KHDRBS2: variants seen among roughly 807,000 people sequenced by gnomAD.
The protein encoded by KHDRBS2 is KH RNA binding domain containing, signal transduction associated 2.
Under a neutral mutation model 44.3 loss-of-function variants are expected in KHDRBS2, and 26 were observed. The observed-to-expected ratio is 0.59, with a 90% CI of 0.43 to 0.81. The LOEUF (loss-of-function observed/expected upper bound fraction) is 0.81. Among genes scored for constraint, KHDRBS2 ranks in the 40% least tolerant of loss-of-function variants. KHDRBS2 has a pLI of 0.00. For missense variants in KHDRBS2, 476 were observed against 433.1 expected (o/e 1.10, Z -0.88); for synonymous variants, 194 against 151.1 (o/e 1.28, Z -2.08).
chr6:62,193,871 C>A (rs1563038296), intron 1 of KHDRBS2, among the ~76,000 whole-genome samples: 1 of 152,048 alleles, frequency 6.6e-6, no homozygotes, highest in Non-Finnish European at 1.5e-5. Flanking sequence ...AAATTTGCTA[C>A]CTTCTATAAA....
chr6:61,850,080 A>G (rs1247185131), intron 6 of KHDRBS2, among the ~76,000 whole-genome samples: 2 of 152,112 alleles, frequency 1.3e-5, no homozygotes, highest in Non-Finnish European at 2.9e-5. Context: ...GGTTAACTCT[A>G]AGCCTTTACA....
chr6:61,547,925 C>T, the KHDRBS2 span, among the ~76,000 whole-genome samples: 1 of 152,048 alleles, frequency 6.6e-6, no homozygotes, highest in African/African-American at 2.4e-5. Context: ...TGGAATAATT[C>T]ACAGAAATCA....
chr6:61,776,066 G>A (rs1354201972), intron 6 of KHDRBS2, among the ~76,000 whole-genome samples: 1 of 152,156 alleles, frequency 6.6e-6, no homozygotes, highest in East Asian at 1.9e-4. Flanking sequence ...AATAAATGGT[G>A]CTGGGAAAAC....
chr6:62,029,092 G>A (rs1783884123), intron 3 of KHDRBS2, among the ~76,000 whole-genome samples: 1 of 151,864 alleles, frequency 6.6e-6, no homozygotes, highest in African/African-American at 2.4e-5. Flanking sequence ...CTGTAGTTAT[G>A]AATTACATTA....
At chr6:61,958,286 G>A (rs1180478295) in intron 4 of KHDRBS2, among the ~76,000 whole-genome samples, 1 of 152,036 alleles carries the variant, frequency 6.6e-6, no homozygotes, top group South Asian at 2.1e-4. Context: ...TGCTGTTTCT[G>A]CATATCCTGT....
At chr6:62,248,448 T>C (rs762222924) in intron 1 of KHDRBS2, among the ~76,000 whole-genome samples, 1 of 152,066 alleles carries the variant, frequency 6.6e-6, no homozygotes, top group Non-Finnish European at 1.5e-5. Flanking sequence ...AACCTCTACC[T>C]CCTGGGTTCA....
At chr6:62,094,523 G>T (rs1342343101) in intron 2 of KHDRBS2, among the ~76,000 whole-genome samples, 1 of 151,788 alleles carries the variant, frequency 6.6e-6, no homozygotes, top group African/African-American at 2.4e-5. Context: ...TTTCTGTGCA[G>T]AGGCTTTTTA....
At chr6:62,045,441 T>C (rs1787467773) in intron 3 of KHDRBS2, among the ~76,000 whole-genome samples, 1 of 152,016 alleles carries the variant, frequency 6.6e-6, no homozygotes, top group Non-Finnish European at 1.5e-5. Flanking sequence ...TATCAAAATT[T>C]GCTCCCAACA....
At chr6:61,931,178 T>C (rs1259578054) in intron 4 of KHDRBS2, among the ~76,000 whole-genome samples, 1 of 152,054 alleles carries the variant, frequency 6.6e-6, no homozygotes, top group Non-Finnish European at 1.5e-5. Context: ...TTACGCATCT[T>C]CACTGAAAAT....
At chr6:62,026,490 A>C (rs977129094) in intron 3 of KHDRBS2, among the ~76,000 whole-genome samples, 7 of 150,570 alleles carry the variant, frequency 4.6e-5, no homozygotes, top group African/African-American at 1.7e-4. Context: ...TGGATGGCAG[A>C]GGCACAATAA....
At chr6:61,659,373 C>T in the KHDRBS2 span, among the ~76,000 whole-genome samples, 1 of 151,684 alleles carries the variant, frequency 6.6e-6, no homozygotes, top group African/African-American at 2.4e-5. Context: ...GCTGGAGAGG[C>T]CTGCTGAAAC....
chr6:62,052,838 A>T (rs1178394176), intron 2 of KHDRBS2, among the ~76,000 whole-genome samples: 1 of 151,752 alleles, frequency 6.6e-6, no homozygotes. Flanking sequence ...CTAGCTGCTG[A>T]CCTCCTGCTA....
At chr6:61,742,872 C>T (rs537595600) in intron 6 of KHDRBS2, among the ~76,000 whole-genome samples, 1 of 152,180 alleles carries the variant, frequency 6.6e-6, no homozygotes, top group South Asian at 2.1e-4. Context: ...CCTTCCTTTC[C>T]TATGTAGATT....
At chr6:61,758,653 G>T (rs1344267767) in intron 6 of KHDRBS2, among the ~76,000 whole-genome samples, 1 of 151,958 alleles carries the variant, frequency 6.6e-6, no homozygotes, top group Admixed American at 6.6e-5. Context: ...GCCCACAAGA[G>T]TACATAACTT....
At chr6:62,137,145 C>A (rs879629638) in intron 2 of KHDRBS2, among the ~76,000 whole-genome samples, 1 of 151,702 alleles carries the variant, frequency 6.6e-6, no homozygotes, top group Non-Finnish European at 1.5e-5. Flanking sequence ...GGACTACAGG[C>A]ACCCGCCACC....
intron 2 of KHDRBS2, among the ~76,000 whole-genome samples, chr6:62,145,701 C>A (rs1813786828): frequency 2.0e-5 from 3 of 151,816 alleles, no homozygotes; most frequent in Admixed American, 6.6e-5. Context: ...TCAAACTTTT[C>A]ATTGTAATCT....
At chr6:61,625,410 C>G in the KHDRBS2 span, among the ~76,000 whole-genome samples, 18 of 150,078 alleles carry the variant, frequency 1.2e-4, no homozygotes, top group African/African-American at 4.4e-4. Flanking sequence ...AAGTGTACCA[C>G]GCAGATATCT....
chr6:62,273,528 C>T (rs376571834), intron 1 of KHDRBS2, among the ~76,000 whole-genome samples: 1 of 152,270 alleles, frequency 6.6e-6, no homozygotes, highest in East Asian at 1.9e-4. Flanking sequence ...CTAGTAAAGT[C>T]CTTTTAGTCA....
chr6:62,121,925 C>T (rs77791640), intron 2 of KHDRBS2, among the ~76,000 whole-genome samples: 14 of 152,106 alleles, frequency 9.2e-5, no homozygotes, highest in East Asian at 3.9e-4. Context: ...CCTTCTAAGG[C>T]GAAGGATAAG....
Sources: allele counts gnomAD v4.1 joint callset (sites outside exome capture counted in the v4.1 genomes callset), GRCh38; gene constraint gnomAD v4.1.1; transcripts MANE v1.5; gene names NCBI Gene and HGNC (gene_info 2026-07-23, HGNC 2026-07-21).